Variants in PDPN observed in about 807,000 individuals in gnomAD.
PDPN encodes podoplanin, also known as PA2.26 antigen.
In PDPN, 12 loss-of-function variants were observed where a neutral mutation model predicts 23.2. The ratio of observed to expected loss-of-function variants is 0.52; its 90% CI spans 0.33 to 0.84. The LOEUF (loss-of-function observed/expected upper bound fraction) is 0.84, where lower values mean the gene tolerates loss of function less well. PDPN is among the 40% of genes least tolerant of loss of function. The pLI is 0.02. For missense variants in PDPN, 199 were observed against 212.2 expected (o/e 0.94, Z 0.39); for synonymous variants, 77 against 76.7 (o/e 1.00, Z -0.02).
intron 2 of PDPN, 100 bp downstream of exon 2, chr1:13,607,406 T>C (rs1240799472): frequency 5.8e-6 from 5 of 855,486 alleles, no homozygotes; most frequent in Non-Finnish European, 8.2e-6. Flanking sequence ...TATATCTATC[T>C]ATAAAATCAG....
intron 3 of PDPN, among the ~76,000 whole-genome samples, chr1:13,613,229 C>A (rs1473603561): frequency 6.6e-6 from 1 of 152,186 alleles, no homozygotes; most frequent in African/African-American, 2.4e-5. Context: ...AGACTAACCA[C>A]AATCTTGGTC....
At chr1:13,603,082 A>T (rs1640688637) in intron 1 of PDPN, among the ~76,000 whole-genome samples, 1 of 134,494 alleles carries the variant, frequency 7.4e-6, no homozygotes, top group African/African-American at 2.8e-5. Context: ...AGAGAGAGAG[A>T]AAAAAACAGA....
chr1:13,600,058 T>G (rs1640602402), intron 1 of PDPN, among the ~76,000 whole-genome samples: 1 of 152,166 alleles, frequency 6.6e-6, no homozygotes, highest in Non-Finnish European at 1.5e-5. Context: ...AAGACTGTGG[T>G]CATTAAATAA....
intron 1 of PDPN, chr1:13,595,850 G>C (rs771176577): frequency 5.4e-6 from 7 of 1,287,122 alleles, no homozygotes; most frequent in Middle Eastern, 4.4e-4. Flanking sequence ...ACAACTCGGG[G>C]GTGAAGCCTG....
chr1:13,612,353 A>T (rs192692223), intron 3 of PDPN, among the ~76,000 whole-genome samples: 1 of 152,344 alleles, frequency 6.6e-6, no homozygotes, highest in East Asian at 1.9e-4. Context: ...ATATGGCACT[A>T]ATAAGCTCTA....
At chr1:13,606,778 T>C (rs552857829) in intron 1 of PDPN, among the ~76,000 whole-genome samples, 2 of 152,342 alleles carry the variant, frequency 1.3e-5, no homozygotes, top group African/African-American at 2.4e-5. Flanking sequence ...TCTTTCCTGT[T>C]GACTCTAATT....
chr1:13,615,270 C>T (rs1380411750), intron 5 of PDPN, among the ~76,000 whole-genome samples: 1 of 150,120 alleles, frequency 6.7e-6, no homozygotes, highest in African/African-American at 2.5e-5. Context: ...CAGAGGAAAC[C>T]TTTTTCTTTC....
At chr1:13,594,579 G>A (rs932240669) in intron 1 of PDPN, among the ~76,000 whole-genome samples, 4 of 152,200 alleles carry the variant, frequency 2.6e-5, no homozygotes, top group African/African-American at 9.6e-5. Context: ...AGATGGCAAT[G>A]TCTAATCCAT....
chr1:13,584,202 G>C (rs756131875), intron 1 of PDPN, 102 bp downstream of exon 1: 1 of 1,524,114 alleles, frequency 6.6e-7, no homozygotes, highest in African/African-American at 1.4e-5. Flanking sequence ...GTCCAGGGGA[G>C]CGCGGGGGAG....
chr1:13,588,647 TTA>T (rs1640249276), intron 1 of PDPN, among the ~76,000 whole-genome samples: 1 of 147,526 alleles, frequency 6.8e-6, no homozygotes, highest in East Asian at 1.9e-4. Flanking sequence ...TAACTATATA[TTA>T]TATATTTACA....
intron 1 of PDPN, among the ~76,000 whole-genome samples, chr1:13,604,058 G>C (rs547522758): frequency 6.6e-6 from 1 of 152,312 alleles, no homozygotes; most frequent in African/African-American, 2.4e-5. Flanking sequence ...GAACCTGCAA[G>C]CTAGGTTGTG....
At chr1:13,606,211 A>G (rs1468996090) in intron 1 of PDPN, among the ~76,000 whole-genome samples, 2 of 151,628 alleles carry the variant, frequency 1.3e-5, no homozygotes, top group African/African-American at 4.8e-5. Flanking sequence ...GCTGGTCTCA[A>G]ATTCCTGACC....
chr1:13,584,430 G>A (rs1640121768), intron 1 of PDPN: 9 of 913,368 alleles, frequency 9.9e-6, no homozygotes, highest in African/African-American at 1.7e-5. Context: ...CTTGCTGGCA[G>A]CAGTGGCTGG....
At chr1:13,589,573 T>A (rs560481952) in intron 1 of PDPN, among the ~76,000 whole-genome samples, 3 of 152,158 alleles carry the variant, frequency 2.0e-5, no homozygotes, top group African/African-American at 7.2e-5. Context: ...TGGAGCTTCT[T>A]GTATTTTATA....
chr1:13,614,889 GAGTC>G (rs1347762779), intron 5 of PDPN: 1 of 499,354 alleles, frequency 2.0e-6, no homozygotes, highest in Admixed American at 2.2e-5. Context: ...CAAAATAAGA[GAGTC>G]AGAGCCAGAG....
chr1:13,617,284 A>G lies in PDPN; in HGVS notation c.*1373A>G, dbSNP rs182375122. On this transcript the variant is annotated 3_prime_UTR_variant, in exon 6 of 6. Coordinates refer to ENST00000621990, the MANE Select transcript of PDPN (RefSeq NM_006474.5). Reference sequence around the variant, plus strand: ...ATAAAACAGGAAAAAGTAAACTATCATTCGGAAGCACAGCCCATTCCTCCC... The same window carrying G: ...ATAAAACAGGAAAAAGTAAACTATCGTTCGGAAGCACAGCCCATTCCTCCC... 2.6e-5 allele frequency: 4 copies of G among 152,256 alleles called. No individual in the cohort carries two copies. The highest frequency in any genetic ancestry group is 7.2e-5 in the African/African-American group (3 of 41,556). The allele number at this position is 152,256 out of a possible 1,614,324, so 9.4% of individuals were successfully genotyped here.
chr1:13,610,013 G>A (rs1311028512), intron 2 of PDPN, among the ~76,000 whole-genome samples: 2 of 152,138 alleles, frequency 1.3e-5, no homozygotes, highest in African/African-American at 2.4e-5. Flanking sequence ...GCGGTGAAAC[G>A]AGACTGCACC....
intron 1 of PDPN, among the ~76,000 whole-genome samples, chr1:13,598,130 C>T (rs1483154152): frequency 6.6e-6 from 1 of 152,116 alleles, no homozygotes; most frequent in Non-Finnish European, 1.5e-5. Context: ...ATTCTCGTGT[C>T]TCAGCCTCCC....
At chr1:13,592,767 C>G (rs903031752) in intron 1 of PDPN, among the ~76,000 whole-genome samples, 1 of 152,012 alleles carries the variant, frequency 6.6e-6, no homozygotes, top group Admixed American at 6.6e-5. Context: ...TCAGGCTGGT[C>G]TCAAACTCCC....
Sources: gnomAD v4.1 joint callset for allele counts (sites outside exome capture counted in the v4.1 genomes callset) on GRCh38, gnomAD v4.1.1 for gene constraint, MANE v1.5 for transcripts, NCBI Gene and HGNC (gene_info 2026-07-23, HGNC 2026-07-21) for gene names.